ELP4: variants seen among roughly 807,000 people sequenced by gnomAD.
The protein encoded by ELP4 is elongator acetyltransferase complex subunit 4.
A neutral mutation model predicts 48.9 loss-of-function variants in ELP4; 51 were observed. The observed-to-expected ratio is 1.04, with a 90% CI of 0.83 to 1.32. The LOEUF (loss-of-function observed/expected upper bound fraction) is 1.32, where lower values mean the gene tolerates loss of function less well. ELP4 is among the 40% of genes most tolerant of loss of function. ELP4 has a pLI of 0.00. For synonymous variants in ELP4, 210 were observed against 189.2 expected (o/e 1.11, Z -0.90); for missense variants, 519 against 514.6 (o/e 1.01, Z -0.08).
intron 7 of ELP4, among the ~76,000 whole-genome samples, chr11:31,637,807 C>G (rs982525719): frequency 1.3e-5 from 2 of 151,814 alleles, no homozygotes; most frequent in African/African-American, 4.8e-5. Flanking sequence ...ATTTTATTTT[C>G]AATTCCCAGT....
rs1329933734 is a variant in ELP4, at chr11:31,650,051, G to A, written c.1037-64G>A. On this transcript the variant is annotated intron_variant, in intron 8 of 9. Coordinates refer to ENST00000640961, the MANE Select transcript of ELP4 (RefSeq NM_019040.5). ...ATTTACAGGATTCTGCTATAAGACT[G>A]TTTAATTTATGCATCTGATGACAAT... is the stretch of plus-strand genomic sequence containing the variant. 1.0e-5 allele frequency: 7 copies of A among 689,968 alleles called. No homozygotes were observed. The Admixed American group carries it at 1.6e-4, about 15-fold the overall frequency. The allele number at this position is 689,968 out of a possible 1,614,324, so 42.7% of individuals were successfully genotyped here. A position where few individuals can be genotyped will look rare whatever the true frequency, so the allele number is the denominator to read the frequency against.
Position 31,748,075 on chromosome 11 carries a change from C to G in ELP4, c.1144-35318C>G, listed in dbSNP as rs1947636219. Among the ~76,000 whole-genome samples, 3 of 152,112 alleles carry G rather than the reference C, an allele frequency of 2.0e-5. No homozygotes were observed. The South Asian group carries it at 6.2e-4, about 32-fold the overall frequency. On this transcript the variant is annotated intron_variant, in intron 9 of 9. Coordinates refer to ENST00000640961, the MANE Select transcript of ELP4 (RefSeq NM_019040.5). ...ATTTTACAATTGTAGATTACAGTTT[C>G]TTTTAGAGATAAGCAGCTGAAGATA...
In ELP4 at chr11:31,637,038, C is replaced by T. The variant is rs187025474; in HGVS notation, c.927+4633C>T. ...TGAAAATGGCTAAGTTAAGTACAGA[C>T]TTTGTTACATGCTGAACTGTGGAGT... On this transcript the variant is annotated intron_variant, in intron 7 of 9. Coordinates refer to ENST00000640961, the MANE Select transcript of ELP4 (RefSeq NM_019040.5). 4.0e-3 allele frequency among the ~76,000 whole-genome samples: 606 copies of T among 151,972 alleles called. 5 individuals are homozygous for T. Among genetic ancestry groups the T allele is most frequent in the African/African-American group, 0.014 (579 of 41,502 alleles).
At chr11:31,769,949 G>T (rs1225628660) in intron 9 of ELP4, among the ~76,000 whole-genome samples, 5 of 152,064 alleles carry the variant, frequency 3.3e-5, no homozygotes, top group Non-Finnish European at 7.4e-5. Context: ...CCAAAATATT[G>T]CTCCTTAAAT....
chr11:31,550,356 T>C (rs561685401), intron 3 of ELP4, among the ~76,000 whole-genome samples: 16 of 152,278 alleles, frequency 1.1e-4, no homozygotes, highest in African/African-American at 3.9e-4. Context: ...ATTGTATTAA[T>C]GGTTTCCAAA....
chr11:31,638,146 T>C (rs558133764), intron 7 of ELP4, among the ~76,000 whole-genome samples: 39 of 152,000 alleles, frequency 2.6e-4, no homozygotes, highest in African/African-American at 8.9e-4. Context: ...TTATTCAAGC[T>C]GTCATAGTCT....
At chr11:31,670,701 A>G (rs928157512) in intron 9 of ELP4, among the ~76,000 whole-genome samples, 2 of 152,202 alleles carry the variant, frequency 1.3e-5, no homozygotes, top group African/African-American at 4.8e-5. Context: ...TGCGTTGCCC[A>G]CAGTGTCAAA....
chr11:31,561,670 CTGACCTCAAG>C (rs1420412543), intron 3 of ELP4, among the ~76,000 whole-genome samples: 2 of 152,090 alleles, frequency 1.3e-5, no homozygotes, highest in Non-Finnish European at 1.5e-5. Flanking sequence ...TTTTGAACTC[CTGACCTCAAG>C]TGATCCTCCC....
chr11:31,682,534 C>T (rs1311686032), intron 9 of ELP4, among the ~76,000 whole-genome samples: 1 of 152,080 alleles, frequency 6.6e-6, no homozygotes, highest in Non-Finnish European at 1.5e-5. Flanking sequence ...GTAAAATTAG[C>T]ACCTTGGCAT....
Position 31,787,841 on chromosome 11 carries a change from G to A in ELP4, c.*4317G>A, listed in dbSNP as rs1364536774. ...AACTAAAAAACAGTAGATATTGAAC[G>A]AGAAGGTCATGTTTAAATCCTTCCA... On this transcript the variant is annotated 3_prime_UTR_variant, in exon 10 of 10. Transcript: ENST00000640961. 4 of 224,050 alleles carry A rather than the reference G, an allele frequency of 1.8e-5. No individual in the cohort carries two copies. In the South Asian group the frequency reaches 5.5e-4, roughly 31 times the overall value. The allele number at this position is 224,050 out of a possible 1,614,324, so 13.9% of individuals were successfully genotyped here.
intron 9 of ELP4, among the ~76,000 whole-genome samples, chr11:31,782,043 CT>C (rs756577277): frequency 7.2e-5 from 11 of 152,224 alleles, no homozygotes; most frequent in Admixed American, 6.5e-5. Context: ...CCCCGTTAAC[CT>C]TTCTGACATC....
At chr11:31,576,953 G>A (rs1443008794) in intron 3 of ELP4, among the ~76,000 whole-genome samples, 1 of 152,158 alleles carries the variant, frequency 6.6e-6, no homozygotes, top group African/African-American at 2.4e-5. Flanking sequence ...GAGCAGAACT[G>A]AAGGAGATGG....
At chr11:31,706,785 T>C (rs2134165328) in intron 9 of ELP4, among the ~76,000 whole-genome samples, 1 of 152,114 alleles carries the variant, frequency 6.6e-6, no homozygotes, top group South Asian at 2.1e-4. Flanking sequence ...ATAATACTTC[T>C]ATGACATGAA....
intron 3 of ELP4, among the ~76,000 whole-genome samples, chr11:31,545,987 C>G (rs976153881): frequency 3.3e-5 from 5 of 151,958 alleles, no homozygotes; most frequent in Non-Finnish European, 5.9e-5. Context: ...GAAGGAAGCA[C>G]TAAACATGGA....
chr11:31,554,060 A>G (rs1429215654), intron 3 of ELP4, among the ~76,000 whole-genome samples: 1 of 152,206 alleles, frequency 6.6e-6, no homozygotes, highest in Admixed American at 6.5e-5. Context: ...TCCGAATGAG[A>G]ATCTAATGCC....
chr11:31,643,703 C>T (rs1296214535), intron 7 of ELP4, among the ~76,000 whole-genome samples: 1 of 151,688 alleles, frequency 6.6e-6, no homozygotes, highest in Non-Finnish European at 1.5e-5. Context: ...ATTAATCTTC[C>T]TTAATTTAAA....
At position 31,734,339 on chromosome 11, in the gene ELP4, C is replaced by T. The variant is rs916380601; in HGVS notation, c.1144-49054C>T. ...GCCCATTCTTGCCACTTCTATCGAA[C>T]GTAGTACTGGAAGCCCTAGCCAGAA... On this transcript the variant is annotated intron_variant, in intron 9 of 9. Coordinates refer to ENST00000640961, the MANE Select transcript of ELP4 (RefSeq NM_019040.5). 3.3e-5 allele frequency among the ~76,000 whole-genome samples: 5 copies of T among 152,208 alleles called. No homozygotes were observed. In the South Asian group the frequency reaches 6.2e-4, roughly 19 times the overall value.
At chr11:31,767,528 T>C (rs1948066488) in intron 9 of ELP4, 1 of 152,210 alleles carries the variant, frequency 6.6e-6, no homozygotes, top group East Asian at 1.9e-4. Flanking sequence ...GAAATTAAAC[T>C]TAGCTCCTGT....
chr11:31,577,766 A>G (rs763632379), intron 3 of ELP4, among the ~76,000 whole-genome samples: 3 of 152,214 alleles, frequency 2.0e-5, no homozygotes, highest in South Asian at 2.1e-4. Context: ...AAAAACTCTC[A>G]ATAAACTAGG....
Sources: allele counts gnomAD v4.1 joint callset (sites outside exome capture counted in the v4.1 genomes callset), GRCh38; gene constraint gnomAD v4.1.1; transcripts MANE v1.5; gene names NCBI Gene and HGNC (gene_info 2026-07-23, HGNC 2026-07-21).